The following GRM7 variants were observed in gnomAD, a reference collection of about 807,000 sequenced individuals.
GRM7 encodes glutamate metabotropic receptor 7.
In GRM7, 35 loss-of-function variants were observed where a neutral mutation model predicts 84.5. The observed-to-expected ratio is 0.41, with a 90% CI of 0.32 to 0.55. GRM7 has a LOEUF of 0.55. GRM7 is among the 20% of genes least tolerant of loss of function. GRM7 has a pLI of 0.19. For missense variants in GRM7, 1,003 were observed against 1,194.6 expected (o/e 0.84, Z 2.36); for synonymous variants, 487 against 455.1 (o/e 1.07, Z -0.89).
intron 2 of GRM7, among the ~76,000 whole-genome samples, chr3:7,236,035 T>C (rs1559518224): frequency 6.6e-6 from 1 of 152,178 alleles, no homozygotes; most frequent in East Asian, 1.9e-4. Flanking sequence ...GGAGTTGCTA[T>C]CTGCTTCCAA....
rs1158871205 is a variant in GRM7 at position 7,572,823 on chromosome 3, AATATATATATATATATATATATATATAT to A, written c.1516-5569_1516-5542del. ...GGCGACAGAGTGAGACTCTATCTCA[AATATATATATATATATATATATATATAT>A]ATATATATATATATATATATATATA... On this transcript the variant is annotated intron_variant, in intron 7 of 9. Coordinates refer to ENST00000357716, the MANE Select transcript of GRM7 (RefSeq NM_000844.4). Among the ~76,000 whole-genome samples the A allele has an allele frequency of 6.7e-3, 84 of 12,476 alleles. 7 individuals are homozygous for A. Among genetic ancestry groups the A allele is most frequent in the South Asian group, 0.037 (17 of 458 alleles). 8.2% of individuals were successfully genotyped at this position (12,476 alleles called of 152,430 possible).
chr3:7,548,227 C>G (rs1161583008), intron 7 of GRM7, among the ~76,000 whole-genome samples: 1 of 152,202 alleles, frequency 6.6e-6, no homozygotes, highest in Non-Finnish European at 1.5e-5. Flanking sequence ...GAGTGAATGT[C>G]AGCTCTATTA....
At chr3:7,288,389 C>T (rs114131440) in intron 2 of GRM7, among the ~76,000 whole-genome samples, 2,551 of 152,080 alleles carry the variant, frequency 0.017, 76 homozygotes, top group African/African-American at 0.058. Context: ...CAGGAAAGAG[C>T]GAGGGGTAGG....
At chr3:7,275,137 A>C (rs1366033275) in intron 2 of GRM7, among the ~76,000 whole-genome samples, 1 of 152,162 alleles carries the variant, frequency 6.6e-6, no homozygotes, top group Non-Finnish European at 1.5e-5. Context: ...CTTTAGCATA[A>C]AAATTCTTAA....
At chr3:7,010,750 G>A (rs945780569) in intron 1 of GRM7, among the ~76,000 whole-genome samples, 3 of 152,172 alleles carry the variant, frequency 2.0e-5, no homozygotes, top group African/African-American at 7.2e-5. Flanking sequence ...GAGACTTGCA[G>A]CATGGGGTGG....
rs1162837346 is a variant in GRM7 at position 7,229,726 on chromosome 3, CATATATATATATATAT to C, written c.737-68939_737-68924del. 1.4e-4 allele frequency among the ~76,000 whole-genome samples: 4 copies of C among 28,602 alleles called. 1 individual carries two copies. Among genetic ancestry groups the C allele is most frequent in the Non-Finnish European group, 2.4e-4 (4 of 16,538 alleles). The allele number at this position is 28,602 out of a possible 152,430, so 18.8% of individuals were successfully genotyped here. Reference sequence around the variant, plus strand: ...CAACCCCGCTCTCCATAGACACACACATATATATATATATATATATATATATATATATATTTTTTTT... The same window carrying C: ...CAACCCCGCTCTCCATAGACACACACATATATATATATATATATTTTTTTT... On this transcript the variant is annotated intron_variant, in intron 2 of 9. Transcript: ENST00000357716.
In GRM7 at chr3:7,657,467, A is replaced by T. The variant is rs574774765; in HGVS notation, c.2452-22582A>T. On this transcript the variant is annotated intron_variant, in intron 8 of 9. Transcript: ENST00000357716. ...CCCCAAAAAATGTACTGAAGCAGCT[A>T]CAACATGTTATTGGAAGAGGAGAAA... Among the ~76,000 whole-genome samples the T allele has an allele frequency of 2.8e-3, 433 of 152,352 alleles. 7 individuals are homozygous for T. Among genetic ancestry groups the T allele is most frequent in the Middle Eastern group, 0.017 (5 of 294 alleles).
intron 2 of GRM7, among the ~76,000 whole-genome samples, chr3:7,213,212 C>G (rs1456408614): frequency 6.6e-6 from 1 of 152,124 alleles, no homozygotes; most frequent in African/African-American, 2.4e-5. Flanking sequence ...TTCCAGAGGT[C>G]TAAGAAAGAA....
intron 1 of GRM7, among the ~76,000 whole-genome samples, chr3:7,142,398 C>T (rs1223878086): frequency 6.6e-6 from 1 of 151,986 alleles, no homozygotes; most frequent in Non-Finnish European, 1.5e-5. Context: ...AGGAAACTTA[C>T]AATCATGGTG....
chr3:6,936,810 A>C (rs949323018), intron 1 of GRM7, among the ~76,000 whole-genome samples: 2 of 152,150 alleles, frequency 1.3e-5, no homozygotes, highest in Non-Finnish European at 2.9e-5. Flanking sequence ...TCCATCCCTT[A>C]TTATTAGACA....
At chr3:7,434,213 T>C (rs1222843730) in intron 5 of GRM7, among the ~76,000 whole-genome samples, 1 of 152,178 alleles carries the variant, frequency 6.6e-6, no homozygotes, top group African/African-American at 2.4e-5. Flanking sequence ...TAGTAGCTCA[T>C]TTGTAGATTT....
chr3:7,070,693 T>C lies in GRM7; in HGVS notation c.520-75759T>C, dbSNP rs1220943578. On this transcript the variant is annotated intron_variant, in intron 1 of 9. Coordinates refer to ENST00000357716, the MANE Select transcript of GRM7 (RefSeq NM_000844.4). Reference sequence around the variant, plus strand: ...CACAAGAATTTGTACTGTGAGAGAGTTTTGAATGTCTTAGTACAGTCGGTT... The same window carrying C: ...CACAAGAATTTGTACTGTGAGAGAGCTTTGAATGTCTTAGTACAGTCGGTT... Among the ~76,000 whole-genome samples, 5 of 152,094 alleles carry C rather than the reference T, an allele frequency of 3.3e-5. No individual in the cohort carries two copies. The East Asian group carries it at 9.7e-4, about 30-fold the overall frequency.
intron 1 of GRM7, among the ~76,000 whole-genome samples, chr3:7,007,726 C>G (rs997952723): frequency 2.6e-5 from 4 of 152,134 alleles, no homozygotes; most frequent in African/African-American, 9.7e-5. Context: ...TGATGCCCCA[C>G]AAAATGTTCA....
chr3:7,613,332 A>T (rs1275137196), intron 8 of GRM7, among the ~76,000 whole-genome samples: 1 of 152,236 alleles, frequency 6.6e-6, no homozygotes, highest in Non-Finnish European at 1.5e-5. Context: ...TCAAAATTCC[A>T]GCCCTAACGT....
intron 9 of GRM7, among the ~76,000 whole-genome samples, chr3:7,699,946 C>T (rs557053113): frequency 6.6e-6 from 1 of 152,246 alleles, no homozygotes; most frequent in South Asian, 2.1e-4. Flanking sequence ...ATCTAAGCTG[C>T]CTCGTCTGTC....
intron 5 of GRM7, among the ~76,000 whole-genome samples, chr3:7,421,323 A>C (rs1696384611): frequency 6.6e-6 from 1 of 152,208 alleles, no homozygotes; most frequent in Admixed American, 6.5e-5. Flanking sequence ...TTCTGAGGGC[A>C]ATAATTAGCA....
intron 8 of GRM7, among the ~76,000 whole-genome samples, chr3:7,604,482 C>A (rs2125073470): frequency 6.6e-6 from 1 of 152,286 alleles, no homozygotes; most frequent in Non-Finnish European, 1.5e-5. Context: ...TCTCCCTTCT[C>A]AAGGTTCCCA....
intron 1 of GRM7, among the ~76,000 whole-genome samples, chr3:7,006,067 A>G (rs1020332039): frequency 1.3e-5 from 2 of 152,150 alleles, no homozygotes; most frequent in Non-Finnish European, 2.9e-5. Context: ...CAAAAGGGAA[A>G]TGGTTACTTA....
intron 9 of GRM7, among the ~76,000 whole-genome samples, chr3:7,716,854 G>A (rs1333215765): frequency 6.6e-6 from 1 of 152,148 alleles, no homozygotes; most frequent in African/African-American, 2.4e-5. Flanking sequence ...GAGATTTATT[G>A]AATTTTCTGG....
Sources: allele counts gnomAD v4.1 joint callset (sites outside exome capture counted in the v4.1 genomes callset), GRCh38; gene constraint gnomAD v4.1.1; transcripts MANE v1.5; gene names NCBI Gene and HGNC (gene_info 2026-07-23, HGNC 2026-07-21).